Variants in CFAP61 observed in about 807,000 individuals in gnomAD.
CFAP61 encodes cilia and flagella associated protein 61.
CFAP61 carries 107 observed loss-of-function variants against 135.6 expected under a neutral mutation model. That is an observed-to-expected ratio of 0.79 (90% confidence interval 0.67 to 0.93). The LOEUF is 0.93. Ranked by LOEUF, CFAP61 falls within the 40% of genes least tolerant of loss-of-function variation. The pLI is 0.00. For synonymous variants in CFAP61, 575 were observed against 578.5 expected, an observed-to-expected ratio of 0.99 and a Z score of 0.09; for missense variants, 1,507 against 1,556.2, an observed-to-expected ratio of 0.97 and a Z score of 0.53.
chr20:20,139,163 C>G (rs2051165716), intron 8 of CFAP61, among the ~76,000 whole-genome samples: 1 of 152,154 alleles, frequency 6.6e-6, no homozygotes, highest in South Asian at 2.1e-4. Flanking sequence ...ATTTTGCACT[C>G]CGTATGTATT....
At chr20:20,145,605 T>C (rs1214078622) in intron 9 of CFAP61, among the ~76,000 whole-genome samples, 1 of 152,136 alleles carries the variant, frequency 6.6e-6, no homozygotes, top group Non-Finnish European at 1.5e-5. Flanking sequence ...GTGGATAAAA[T>C]GCAAAATTCA....
intron 2 of CFAP61, among the ~76,000 whole-genome samples, chr20:20,066,377 C>T (rs1413420472): frequency 2.6e-5 from 4 of 152,188 alleles, no homozygotes; most frequent in Admixed American, 6.5e-5. Context: ...CACATGCACA[C>T]GTATGCTTAT....
intron 2 of CFAP61, among the ~76,000 whole-genome samples, chr20:20,067,265 C>G (rs2045342390): frequency 6.6e-6 from 1 of 151,956 alleles, no homozygotes; most frequent in African/African-American, 2.4e-5. Context: ...TTACAAAGAA[C>G]AGTTTAAAAT....
chr20:20,151,544 G>C (rs1600991490), intron 9 of CFAP61, among the ~76,000 whole-genome samples: 3 of 152,164 alleles, frequency 2.0e-5, no homozygotes, highest in Admixed American at 6.5e-5. Context: ...GAAGCTCAAA[G>C]GGCCAGGTTC....
chr20:20,352,575 C>T (rs781236094), intron 26 of CFAP61, among the ~76,000 whole-genome samples: 10 of 152,122 alleles, frequency 6.6e-5, no homozygotes, highest in Non-Finnish European at 1.0e-4. Flanking sequence ...GCCAAGAACA[C>T]ACAATGGGGA....
chr20:20,075,510 T>A lies in CFAP61; in HGVS notation c.461T>A (p.Phe154Tyr), dbSNP rs1432522705. ...TTAGGCTCAACTCTCATAACTGTTTTTGACCAAGTGGGGAACATCCCGTGT... is the reference window on the plus strand; with the variant it reads ...TTAGGCTCAACTCTCATAACTGTTTATGACCAAGTGGGGAACATCCCGTGT... ...MSLGSTLITV[F>Y]DQVGNIPCLT... The change falls in exon 6 of 27, where the codon TTT (phenylalanine) becomes TAT (tyrosine). Residue 154 changes from phenylalanine (F) to tyrosine (Y), a missense_variant. By Grantham distance (22) the Phe-to-Tyr change is conservative. Coordinates refer to ENST00000245957, the MANE Select transcript of CFAP61 (RefSeq NM_015585.4). The A allele has an allele frequency of 6.2e-7, 1 of 1,614,192 alleles. No homozygotes were observed. The highest frequency in any genetic ancestry group is 1.7e-5 in the Admixed American group (1 of 60,034).
intron 25 of CFAP61, among the ~76,000 whole-genome samples, chr20:20,337,322 A>ATAGATGGG (rs2058242885): frequency 7.3e-5 from 1 of 13,686 alleles, no homozygotes. Flanking sequence ...GGATGGATGG[A>ATAGATGGG]TGGATGGATG....
intron 21 of CFAP61, among the ~76,000 whole-genome samples, chr20:20,264,472 G>A (rs962612910): frequency 1.4e-4 from 22 of 152,132 alleles, no homozygotes; most frequent in Non-Finnish European, 1.9e-4. Flanking sequence ...TTTCATCCAA[G>A]CTTGGAATTA....
At chr20:20,322,670 A>C (rs970424853) in intron 25 of CFAP61, 66 of 985,272 alleles carry the variant, frequency 6.7e-5, no homozygotes, top group Non-Finnish European at 8.0e-5. Flanking sequence ...TTCCAGCAGA[A>C]ACAGTTACCA....
intron 6 of CFAP61, among the ~76,000 whole-genome samples, chr20:20,077,905 A>G (rs2046169646): frequency 6.6e-6 from 1 of 152,236 alleles, no homozygotes; most frequent in Non-Finnish European, 1.5e-5. Flanking sequence ...ATCAGACTTA[A>G]AAATATGCCT....
intron 8 of CFAP61, among the ~76,000 whole-genome samples, chr20:20,118,919 G>A (rs1015213231): frequency 3.3e-5 from 5 of 151,790 alleles, no homozygotes; most frequent in African/African-American, 1.2e-4. Flanking sequence ...TTGAGCTCAA[G>A]TGATCCCCCT....
chr20:20,168,345 G>A (rs1269026269), intron 12 of CFAP61, among the ~76,000 whole-genome samples: 1 of 152,174 alleles, frequency 6.6e-6, no homozygotes, highest in Non-Finnish European at 1.5e-5. Context: ...TTACAGAAGT[G>A]AGAACTGTGC....
chr20:20,273,530 C>T (rs981123523), intron 21 of CFAP61, among the ~76,000 whole-genome samples: 1 of 152,082 alleles, frequency 6.6e-6, no homozygotes, highest in African/African-American at 2.4e-5. Context: ...TTTACAGGAT[C>T]CAAAAGTATG....
At chr20:20,290,812 TTGAAGTGGATCCTGCAG>T (rs2054949816) in intron 24 of CFAP61, among the ~76,000 whole-genome samples, 1 of 152,162 alleles carries the variant, frequency 6.6e-6, no homozygotes. Flanking sequence ...GTGTGCCACC[TTGAAGTGGATCCTGCAG>T]CCTCCTTCAT....
chr20:20,290,192 G>A (rs2054897201), intron 23 of CFAP61, 108 bp from the exon 24 acceptor site: 1 of 726,878 alleles, frequency 1.4e-6, no homozygotes, highest in African/African-American at 1.8e-5. Context: ...AAAGTTTGAG[G>A]AGCATACGCC....
intron 13 of CFAP61, among the ~76,000 whole-genome samples, chr20:20,174,696 G>A (rs1314987908): frequency 6.6e-6 from 1 of 152,062 alleles, no homozygotes; most frequent in East Asian, 1.9e-4. Context: ...TGGCCAACCT[G>A]AAGAGGCTTC....
intron 18 of CFAP61, among the ~76,000 whole-genome samples, chr20:20,234,895 ACAC>A: frequency 6.6e-6 from 1 of 152,284 alleles, no homozygotes; most frequent in South Asian, 2.1e-4. Context: ...CCCTCCTCAC[ACAC>A]CAGCCTGAGC....
chr20:20,258,562 T>C (rs1179093615), intron 20 of CFAP61: 1 of 152,144 alleles, frequency 6.6e-6, no homozygotes, highest in East Asian at 1.9e-4. Context: ...CTTGAAGACT[T>C]TTCATATGGA....
chr20:20,188,541 G>T (rs184685036), intron 14 of CFAP61, among the ~76,000 whole-genome samples: 53 of 152,248 alleles, frequency 3.5e-4, no homozygotes, highest in Non-Finnish European at 7.1e-4. Context: ...GATTACATGG[G>T]CTGGGAAAGA....
Sources: gnomAD v4.1 joint callset for allele counts (sites outside exome capture counted in the v4.1 genomes callset) on GRCh38, gnomAD v4.1.1 for gene constraint, MANE v1.5 for transcripts, NCBI Gene and HGNC (gene_info 2026-07-23, HGNC 2026-07-21) for gene names.